The following CES4A variants were observed in gnomAD, a reference collection of about 807,000 sequenced individuals.
The protein encoded by CES4A is carboxylesterase 4A.
Under a neutral mutation model 65.4 loss-of-function variants are expected in CES4A, and 48 were observed. That is an observed-to-expected ratio of 0.73 (90% CI 0.58 to 0.93). The LOEUF (loss-of-function observed/expected upper bound fraction) is 0.93. Ranked by LOEUF, CES4A falls within the 40% of genes least tolerant of loss-of-function variation. The probability of loss-of-function intolerance (pLI) is 0.00; values close to 1 mark genes in which losing one functional copy is unlikely to be tolerated. For synonymous variants in CES4A, 247 were observed against 281.8 expected (o/e 0.88, Z 1.24); for missense variants, 685 against 728.5 (o/e 0.94, Z 0.69).
intron 9 of CES4A, 50 bp from the exon 10 acceptor site, chr16:67,004,743 C>T: frequency 2.1e-5 from 30 of 1,451,086 alleles, no homozygotes; most frequent in Non-Finnish European, 2.8e-5. Context: ...GCCAGAATCC[C>T]TCCTAATGCT....
rs537976908 is a variant in CES4A at position 67,001,315 on chromosome 16, G to A, written c.544G>A (p.Asp182Asn). ...TGAACCCCACACGCCCAGCACGGAC[G>A]ACAGCCACGCGCGCGGGAACTGGGG... is the stretch of plus-strand genomic sequence containing the variant. Residue 182 changes from aspartate to asparagine, a missense_variant, in exon 5 of 14, where the codon GAC (aspartate) becomes AAC (asparagine). Transcript: ENST00000648724. This position sits in a 1 kb window ranked among gnomAD's most constrained non-coding sequence, Gnocchi z 4.1. 51 of 1,606,488 alleles carry A rather than the reference G, an allele frequency of 3.2e-5. No individual in the cohort carries two copies. The highest frequency in any genetic ancestry group is 4.2e-5 in the Non-Finnish European group (50 of 1,176,472).
chr16:66,994,598 T>A (rs949551374), intron 1 of CES4A, among the ~76,000 whole-genome samples: 1 of 151,332 alleles, frequency 6.6e-6, no homozygotes, highest in African/African-American at 2.4e-5. Context: ...TCCCAGCACT[T>A]TGGGAGGCCA....
intron 1 of CES4A, among the ~76,000 whole-genome samples, chr16:66,993,231 A>G (rs998606106): frequency 2.0e-4 from 31 of 152,308 alleles, no homozygotes; most frequent in Admixed American, 5.9e-4. Context: ...GCGTGTAATA[A>G]GTATGCTGTA....
chr16:66,988,644 C>G (rs1379206327), exon 1 of CES4A: 6 of 1,504,328 alleles, frequency 4.0e-6, no homozygotes, highest in Non-Finnish European at 8.9e-7. Flanking sequence ...CGCCCCAGTA[C>G]TTGCTGGCAG....
In CES4A at chr16:67,000,436, G is replaced by GT. The variant is rs1476724745; in HGVS notation, c.261-200dup. 1.8e-5 allele frequency: 25 copies of GT among 1,403,434 alleles called. No homozygotes were observed. The highest frequency in any genetic ancestry group is 2.2e-5 in the Non-Finnish European group (24 of 1,080,918). The allele number at this position is 1,403,434 out of a possible 1,614,324, so 86.9% of individuals were successfully genotyped here. A position where few individuals can be genotyped will look rare whatever the true frequency, so the allele number is the denominator to read the frequency against. Reference sequence around the variant, plus strand: ...TGAGGCGCCGGGCAGGGAGGGGATGGTTCCTGAGAGGCCAACCTGCCTCCC... The same window carrying GT: ...TGAGGCGCCGGGCAGGGAGGGGATGGTTTCCTGAGAGGCCAACCTGCCTCCC... On this transcript the variant is annotated intron_variant, in intron 2 of 13. Transcript: ENST00000648724. The surrounding 1 kb of genome is among the most constrained non-coding windows in gnomAD (Gnocchi z 4.2).
exon 1 of CES4A, chr16:66,988,688 T>C (rs1472631754): frequency 4.5e-6 from 7 of 1,547,794 alleles, no homozygotes; most frequent in Non-Finnish European, 6.1e-6. Flanking sequence ...GCTCACACAC[T>C]GTAGACACGG....
chr16:66,995,881 A>G (rs559191657), intron 2 of CES4A, 52 bp downstream of exon 2: 1 of 1,524,748 alleles, frequency 6.6e-7, no homozygotes, highest in South Asian at 1.1e-5. Context: ...CTATGCCTGC[A>G]TCTGGGTGGG....
rs1233686261 is a variant in CES4A, at chr16:66,997,064, C to CAA, written c.260+1245_260+1246dup. Among the ~76,000 whole-genome samples, 63 of 95,802 alleles carry CAA rather than the reference C, an allele frequency of 6.6e-4. 1 individual carries two copies. Among genetic ancestry groups the CAA allele is most frequent in the African/African-American group, 2.2e-3 (57 of 26,168 alleles). The allele number at this position is 95,802 out of a possible 152,430, so 62.8% of individuals were successfully genotyped here. A position where few individuals can be genotyped will look rare whatever the true frequency, so the allele number is the denominator to read the frequency against. On this transcript the variant is annotated intron_variant, in intron 2 of 13. Coordinates refer to ENST00000648724, the Ensembl canonical transcript of CES4A. The stretch of plus-strand genomic sequence containing the variant: ...TGAGCCACAGAGTGAGACCCTGTCT[C>CAA]AAAAAAAAAAATAAAAGCAGGTTGT...
At chr16:66,995,932 C>A in intron 2 of CES4A, 103 bp downstream of exon 2, 1 of 1,170,220 alleles carries the variant, frequency 8.5e-7, no homozygotes, top group Non-Finnish European at 1.2e-6. Context: ...TGTGTGATCA[C>A]AGGCAGGCCT....
rs764932506 is a variant in CES4A at position 67,005,405 on chromosome 16, C to T, written c.1315+12C>T. On this transcript the variant is annotated intron_variant, in intron 11 of 13. Transcript: ENST00000648724. Reference sequence around the variant, plus strand: ...TCACTACCACCGAGGTATGCAGGGTCCCCAAGAGTGGCCACACTGGCCCCG... The same window carrying T: ...TCACTACCACCGAGGTATGCAGGGTTCCCAAGAGTGGCCACACTGGCCCCG... 5 of 1,612,076 alleles carry T rather than the reference C, an allele frequency of 3.1e-6. No individual in the cohort carries two copies. Among genetic ancestry groups the T allele is most frequent in the Non-Finnish European group, 4.2e-6 (5 of 1,179,100 alleles).
exon 14 of CES4A, chr16:67,009,369 G>A (rs1335120699): frequency 1.4e-5 from 7 of 488,568 alleles, no homozygotes; most frequent in South Asian, 1.4e-4. Flanking sequence ...CTTCACTGTT[G>A]ACATCCAGTT....
Position 67,006,742 on chromosome 16 carries a change from CA to C in CES4A, c.1445-2del, listed in dbSNP as rs1038766134. 6.2e-7 allele frequency: 1 copy of C among 1,613,892 alleles called. No homozygotes were observed. The highest frequency in any genetic ancestry group is 1.3e-5 in the African/African-American group (1 of 74,932). On this transcript the variant is annotated splice_acceptor_variant, in intron 12 of 13. Coordinates refer to ENST00000648724, the Ensembl canonical transcript of CES4A. LOFTEE classifies it high-confidence loss of function. ...GAAATCCCACATCCCATTCTGCCCC[CA>C]GGCCTTTCCATGGGTAAGGAGAAGG...
rs142418791 is a variant in CES4A, at chr16:67,003,471, G to C, written c.901-44G>C. On this transcript the variant is annotated intron_variant, in intron 7 of 13. Transcript: ENST00000648724. This position sits in a 1 kb window ranked among gnomAD's most constrained non-coding sequence, Gnocchi z 4.2. Reference sequence around the variant, plus strand: ...CAGGGACCCTGTCTCAAGAGCACACGAGGGAGACTTCCTTTAACTCTGATC... The same window carrying C: ...CAGGGACCCTGTCTCAAGAGCACACCAGGGAGACTTCCTTTAACTCTGATC... 1.2e-6 allele frequency: 2 copies of C among 1,602,564 alleles called. No homozygotes were observed. The highest frequency in any genetic ancestry group is 2.7e-5 in the African/African-American group (2 of 74,672).
In CES4A at chr16:67,000,732, C is replaced by T. The variant is rs1240839097; in HGVS notation, c.355C>T (p.Leu119=). 6.5e-7 allele frequency: 1 copy of T among 1,550,148 alleles called. No individual in the cohort carries two copies. The highest frequency in any genetic ancestry group is 2.0e-5 in the Admixed American group (1 of 51,038). Residue 119 remains leucine, a synonymous_variant, in exon 3 of 14, where the codon CTG becomes TTG. Transcript: ENST00000648724. The surrounding 1 kb of genome is among the most constrained non-coding windows in gnomAD (Gnocchi z 4.2). The stretch of plus-strand genomic sequence containing the variant: ...GCGCTTCAGCGAGGACTGTCTGTAC[C>T]TGAACGTGTACGCGCCGGCGCGCGC...
Position 66,995,799 on chromosome 16 carries a change from G to A in CES4A, c.230G>A (p.Gly77Glu). 3 of 1,614,054 alleles carry A rather than the reference G, an allele frequency of 1.9e-6. No homozygotes were observed. The South Asian group carries it at 3.3e-5, about 18-fold the overall frequency. ...CCAGAACCCCCGGAGCCCTGGAAAG[G>A]AATCAGAGATGCTACCACCTACCCG... is the stretch of plus-strand genomic sequence containing the variant. The change falls in exon 2 of 14, where the codon GGA becomes GAA. Residue 77 changes from glycine to glutamate, a missense_variant. Physicochemically the swap from Gly to Glu is moderately conservative, Grantham distance 98. Transcript: ENST00000648724.
In CES4A at chr16:67,001,296, C is replaced by T. The variant is rs1037882856; in HGVS notation, c.537-12C>T. The T allele has an allele frequency of 1.9e-6, 3 of 1,588,746 alleles. No individual in the cohort carries two copies. In the African/African-American group the frequency reaches 4.0e-5, roughly 21 times the overall value. On this transcript the variant is annotated splice_polypyrimidine_tract_variant and intron_variant, in intron 4 of 13. Transcript: ENST00000648724. The surrounding 1 kb of genome is among the most constrained non-coding windows in gnomAD (Gnocchi z 4.1). The stretch of plus-strand genomic sequence containing the variant: ...AGGCCCGGGACCCTGACAGTGAACC[C>T]CACACGCCCAGCACGGACGACAGCC...
chr16:67,009,249 T>C (rs1966008012), exon 14 of CES4A: 1 of 1,143,966 alleles, frequency 8.7e-7, no homozygotes. Flanking sequence ...CCCACCCCAG[T>C]TTAGAACTGC....
At chr16:66,995,226 C>T (rs527473622) in intron 1 of CES4A, among the ~76,000 whole-genome samples, 2 of 151,792 alleles carry the variant, frequency 1.3e-5, no homozygotes, top group African/African-American at 2.4e-5. Context: ...AGGAGAATGG[C>T]GTGAATCTGG....
In CES4A at chr16:67,001,031, G is replaced by C. The variant is rs1157864068; in HGVS notation, c.536+41G>C. 1 of 1,600,350 alleles carries C rather than the reference G, an allele frequency of 6.2e-7. No homozygotes were observed. Among genetic ancestry groups the C allele is most frequent in the South Asian group, 1.1e-5 (1 of 89,884 alleles). Reference sequence around the variant, plus strand: ...CCCTTTGGGACCGCAGCTGTGGCCAGAGCGGCGGGGACTGGGTGGGAAGGG... The same window carrying C: ...CCCTTTGGGACCGCAGCTGTGGCCACAGCGGCGGGGACTGGGTGGGAAGGG... On this transcript the variant is annotated intron_variant, in intron 4 of 13. Coordinates refer to ENST00000648724, the Ensembl canonical transcript of CES4A. This position sits in a 1 kb window ranked among gnomAD's most constrained non-coding sequence, Gnocchi z 4.1.
Sources: allele counts gnomAD v4.1 joint callset (sites outside exome capture counted in the v4.1 genomes callset), GRCh38; gene constraint gnomAD v4.1.1; non-coding constraint Gnocchi (gnomAD v3.1); transcripts MANE v1.5; gene names NCBI Gene and HGNC (gene_info 2026-07-23, HGNC 2026-07-21).